MCU: variants seen among roughly 807,000 people sequenced by gnomAD.
The protein encoded by MCU is mitochondrial calcium uniporter, also known as calcium uniporter protein, mitochondrial.
In MCU, 12 loss-of-function variants were observed where a neutral mutation model predicts 45.2. The observed-to-expected ratio is 0.27, with a 90% CI of 0.17 to 0.43. The LOEUF (loss-of-function observed/expected upper bound fraction) is 0.43. Ranked by LOEUF, MCU falls within the 20% of genes least tolerant of loss-of-function variation. The pLI, the probability that MCU is intolerant of heterozygous loss-of-function variation, is 1.00. For synonymous variants in MCU, 160 were observed against 165.1 expected (o/e 0.97, Z 0.24); for missense variants, 324 against 436.7 (o/e 0.74, Z 2.30).
At chr10:72,797,094 A>G (rs1282199135) in intron 1 of MCU, among the ~76,000 whole-genome samples, 3 of 152,164 alleles carry the variant, frequency 2.0e-5, no homozygotes, top group South Asian at 4.1e-4. Context: ...GACTAGGTTA[A>G]GTAGCCTCAT....
At chr10:72,819,727 CTTTTTTT>C (rs71021538) in intron 1 of MCU, among the ~76,000 whole-genome samples, 2 of 102,602 alleles carry the variant, frequency 1.9e-5, no homozygotes, top group African/African-American at 3.8e-5. Flanking sequence ...TTTTTCCAGT[CTTTTTTT>C]TTTTTTTTTT....
chr10:72,871,226 C>A (rs1845537969), intron 5 of MCU, 151 bp from the exon 6 acceptor site: 2 of 725,618 alleles, frequency 2.8e-6, no homozygotes, highest in Non-Finnish European at 4.8e-6. Context: ...GTGAAAACTG[C>A]AGATACTATT....
At chr10:72,823,617 A>G (rs919235023) in intron 1 of MCU, among the ~76,000 whole-genome samples, 1 of 152,160 alleles carries the variant, frequency 6.6e-6, no homozygotes. Flanking sequence ...TAATGTGTTC[A>G]TTATGTGAAG....
At chr10:72,775,323 TAA>T (rs1843874581) in intron 1 of MCU, among the ~76,000 whole-genome samples, 1 of 151,908 alleles carries the variant, frequency 6.6e-6, no homozygotes, top group African/African-American at 2.4e-5. Context: ...TTAGGAAAAT[TAA>T]AAAGTTTCCT....
chr10:72,751,037 G>A (rs1589443979), intron 1 of MCU, among the ~76,000 whole-genome samples: 1 of 152,012 alleles, frequency 6.6e-6, no homozygotes, highest in East Asian at 1.9e-4. Flanking sequence ...GTTTTGCTCT[G>A]TTGCCCAGGC....
intron 1 of MCU, among the ~76,000 whole-genome samples, chr10:72,729,952 C>CTTTTT (rs58668483): frequency 1.9e-4 from 17 of 90,520 alleles, no homozygotes; most frequent in East Asian, 8.8e-4. Flanking sequence ...CTTCAGCATT[C>CTTTTT]TTTTTTTTTT....
At chr10:72,771,143 C>T (rs1259039239) in intron 1 of MCU, among the ~76,000 whole-genome samples, 1 of 152,134 alleles carries the variant, frequency 6.6e-6, no homozygotes, top group Non-Finnish European at 1.5e-5. Flanking sequence ...TGGTTTGCTG[C>T]ACCCATCAAC....
rs149764638 is a variant in MCU, at chr10:72,839,012, C to T, written c.220+4584C>T. 6.0e-3 allele frequency among the ~76,000 whole-genome samples: 895 copies of T among 149,448 alleles called. 12 individuals are homozygous for T. Among genetic ancestry groups the T allele is most frequent in the African/African-American group, 0.021 (841 of 40,290 alleles). On this transcript the variant is annotated intron_variant, in intron 2 of 7. Coordinates refer to ENST00000373053, the MANE Select transcript of MCU (RefSeq NM_138357.3). The stretch of plus-strand genomic sequence containing the variant: ...TCATCTATTTTTTTTTTTTTTGAGA[C>T]GGAGTCCCGCTCCATCACCCAGGCT...
chr10:72,804,482 A>G (rs1251943598), intron 1 of MCU, among the ~76,000 whole-genome samples: 2 of 152,198 alleles, frequency 1.3e-5, no homozygotes, highest in Non-Finnish European at 2.9e-5. Context: ...ATACACTTCT[A>G]TAATACTTTT....
chr10:72,704,704 ATTT>A lies in MCU; in HGVS notation c.150+12429_150+12431del, dbSNP rs1162093579. On this transcript the variant is annotated intron_variant, in intron 1 of 7. Coordinates refer to ENST00000373053, the MANE Select transcript of MCU (RefSeq NM_138357.3). ...AGGCATGCACTGTCATGCCTGGATA[ATTT>A]TTTTTTTTTTTTTTTTTTTTTTTTT... Among the ~76,000 whole-genome samples the A allele has an allele frequency of 3.7e-4, 40 of 106,742 alleles. 1 individual carries two copies. Among genetic ancestry groups the A allele is most frequent in the African/African-American group, 3.9e-4 (9 of 22,810 alleles). The allele number at this position is 106,742 out of a possible 152,430, so 70.0% of individuals were successfully genotyped here. A position where few individuals can be genotyped will look rare whatever the true frequency, so the allele number is the denominator to read the frequency against.
intron 2 of MCU, among the ~76,000 whole-genome samples, chr10:72,837,582 T>A (rs1428557676): frequency 2.6e-5 from 4 of 152,186 alleles, no homozygotes; most frequent in African/African-American, 7.2e-5. Flanking sequence ...TAAGGAGTGG[T>A]TGTGGTAGTG....
intron 1 of MCU, among the ~76,000 whole-genome samples, chr10:72,787,726 GT>G (rs1271048954): frequency 1.4e-5 from 2 of 145,766 alleles, no homozygotes; most frequent in African/African-American, 2.5e-5. Context: ...TTTGTTTTTT[GT>G]TTTTTTTTTG....
In MCU at chr10:72,764,612, T is replaced by C. The variant is rs182518318; in HGVS notation, c.151-69747T>C. On this transcript the variant is annotated intron_variant, in intron 1 of 7. Coordinates refer to ENST00000373053, the MANE Select transcript of MCU (RefSeq NM_138357.3). ...TTTAAATGGTGATTATACTTTTTCA[T>C]TGGGAAGACTATGCAGTAGGGAAGA... Among the ~76,000 whole-genome samples the C allele has an allele frequency of 2.7e-4, 41 of 152,316 alleles. No individual in the cohort carries two copies. The East Asian group carries it at 3.1e-3, about 11-fold the overall frequency.
intron 1 of MCU, among the ~76,000 whole-genome samples, chr10:72,724,851 G>T (rs917343886): frequency 2.0e-5 from 3 of 152,196 alleles, no homozygotes; most frequent in Non-Finnish European, 4.4e-5. Context: ...GGAGATGCCA[G>T]CCTTTTCCCC....
chr10:72,765,646 T>C (rs1252569318), intron 1 of MCU, among the ~76,000 whole-genome samples: 3 of 151,594 alleles, frequency 2.0e-5, no homozygotes, highest in African/African-American at 7.3e-5. Flanking sequence ...ATAAGAAATA[T>C]AGCCAGGCAT....
At chr10:72,736,611 T>C (rs756692628) in intron 1 of MCU, 2 of 152,192 alleles carry the variant, frequency 1.3e-5, no homozygotes, top group Non-Finnish European at 2.9e-5. Flanking sequence ...CTTTAGTAAA[T>C]AGATCGTAAA....
chr10:72,743,163 C>T (rs1182919250), intron 1 of MCU, among the ~76,000 whole-genome samples: 1 of 151,788 alleles, frequency 6.6e-6, no homozygotes, highest in Non-Finnish European at 1.5e-5. Flanking sequence ...AATCCCGGCA[C>T]TTTGGGAGGC....
chr10:72,760,182 C>A (rs191091658), intron 1 of MCU, among the ~76,000 whole-genome samples: 1 of 151,966 alleles, frequency 6.6e-6, no homozygotes, highest in Non-Finnish European at 1.5e-5. Flanking sequence ...GTAGCAAGGA[C>A]CACAGGCATA....
chr10:72,821,930 T>C (rs1014399546), intron 1 of MCU, among the ~76,000 whole-genome samples: 5 of 152,346 alleles, frequency 3.3e-5, no homozygotes, highest in African/African-American at 1.2e-4. Flanking sequence ...GGAATTAAGA[T>C]AGAAATTACA....
Sources: gnomAD v4.1 joint callset for allele counts (sites outside exome capture counted in the v4.1 genomes callset) on GRCh38, gnomAD v4.1.1 for gene constraint, MANE v1.5 for transcripts, NCBI Gene and HGNC (gene_info 2026-07-23, HGNC 2026-07-21) for gene names.